Variants in SAMD4A observed in about 807,000 individuals in gnomAD.
SAMD4A encodes the protein protein Smaug homolog 1.
In SAMD4A, 33 loss-of-function variants were observed where a neutral mutation model predicts 81.3. The ratio of observed to expected loss-of-function variants is 0.41; its 90% CI spans 0.31 to 0.54. SAMD4A has a LOEUF of 0.54. Among genes scored for constraint, SAMD4A ranks in the 20% least tolerant of loss-of-function variants. The probability of loss-of-function intolerance (pLI) is 0.37; values close to 1 mark genes in which losing one functional copy is unlikely to be tolerated. For missense variants in SAMD4A, 854 were observed against 951.1 expected (o/e 0.90, Z 1.34); for synonymous variants, 389 against 382.1 (o/e 1.02, Z -0.21).
intron 2 of SAMD4A, among the ~76,000 whole-genome samples, chr14:54,669,483 C>T (rs369786599): frequency 3.3e-5 from 4 of 121,390 alleles, no homozygotes; most frequent in Non-Finnish European, 4.8e-5. Flanking sequence ...GAGACAGGAT[C>T]GCACTCTGTT....
chr14:54,688,028 A>G (rs2036322408), intron 2 of SAMD4A: 1 of 985,640 alleles, frequency 1.0e-6, no homozygotes, highest in Admixed American at 6.1e-5. Flanking sequence ...AAGGAGAAGG[A>G]CAAAGTGGAG....
At chr14:54,747,463 C>T (rs2140963705) in intron 4 of SAMD4A, among the ~76,000 whole-genome samples, 1 of 152,336 alleles carries the variant, frequency 6.6e-6, no homozygotes, top group Non-Finnish European at 1.5e-5. Context: ...TTTCATCAAT[C>T]TCAACATTTA....
At chr14:54,707,630 G>A (rs1384050223) in intron 3 of SAMD4A, among the ~76,000 whole-genome samples, 1 of 152,098 alleles carries the variant, frequency 6.6e-6, no homozygotes, top group Non-Finnish European at 1.5e-5. Flanking sequence ...AACAAGGGTA[G>A]GATCAGGCCT....
rs577986242 is a variant in SAMD4A, at chr14:54,789,004, C to T, written c.*60C>T. 1.3e-4 allele frequency: 200 copies of T among 1,575,014 alleles called. No homozygotes were observed. The highest frequency in any genetic ancestry group is 1.3e-4 in the East Asian group (6 of 44,676). On this transcript the variant is annotated 3_prime_UTR_variant, in exon 13 of 13. Coordinates refer to ENST00000554335, the MANE Select transcript of SAMD4A (RefSeq NM_015589.6). ...AATCGACTGCTGCGGGTCCAGTGTC[C>T]GCCATCTTCAGGGTTGCACAGAATC... is the stretch of plus-strand genomic sequence containing the variant.
chr14:54,581,720 T>G (rs905522347), intron 2 of SAMD4A, among the ~76,000 whole-genome samples: 1 of 152,200 alleles, frequency 6.6e-6, no homozygotes, highest in Non-Finnish European at 1.5e-5. Flanking sequence ...TCTATACCTA[T>G]TTTGATAGTA....
chr14:54,783,857 C>A (rs1381501617), intron 11 of SAMD4A, among the ~76,000 whole-genome samples: 1 of 152,194 alleles, frequency 6.6e-6, no homozygotes, highest in East Asian at 1.9e-4. Flanking sequence ...GCATGCCAGG[C>A]CCTGCTCTAG....
intron 2 of SAMD4A, chr14:54,685,650 G>A (rs1012397507): frequency 6.6e-6 from 3 of 454,232 alleles, no homozygotes; most frequent in East Asian, 1.4e-4. Flanking sequence ...TTGCAGAGAA[G>A]CTGATTGTGG....
In SAMD4A at chr14:54,723,601, C is replaced by T. The variant is rs538553280; in HGVS notation, c.716-13423C>T. Among the ~76,000 whole-genome samples, 273 of 152,284 alleles carry T rather than the reference C, an allele frequency of 1.8e-3. 1 individual carries two copies. Among genetic ancestry groups the T allele is most frequent in the African/African-American group, 6.4e-3 (264 of 41,558 alleles). On this transcript the variant is annotated intron_variant, in intron 3 of 12. Transcript: ENST00000554335. ...TGAAATGACCTAAAATTTTTACATC[C>T]TTCAGCAATTCTTCACCTTCATGGA...
intron 2 of SAMD4A, among the ~76,000 whole-genome samples, chr14:54,681,623 T>C (rs146150910): frequency 6.6e-6 from 1 of 152,128 alleles, no homozygotes; most frequent in East Asian, 1.9e-4. Flanking sequence ...ATAGAGATGG[T>C]ATCTCCCTAT....
chr14:54,697,357 T>C (rs977831697), intron 2 of SAMD4A, among the ~76,000 whole-genome samples: 2 of 152,222 alleles, frequency 1.3e-5, no homozygotes, highest in Non-Finnish European at 2.9e-5. Context: ...ACATTGTCCT[T>C]GTCGGCAGGC....
intron 6 of SAMD4A, among the ~76,000 whole-genome samples, chr14:54,755,889 T>C (rs1418998802): frequency 1.3e-5 from 2 of 152,202 alleles, no homozygotes; most frequent in African/African-American, 4.8e-5. Context: ...AACTAAGCCA[T>C]GTTCTGAGCC....
chr14:54,661,589 C>T (rs533392034), intron 2 of SAMD4A, among the ~76,000 whole-genome samples: 13 of 152,306 alleles, frequency 8.5e-5, no homozygotes, highest in African/African-American at 2.6e-4. Context: ...CAATCCTTAT[C>T]GAACCTTCTA....
chr14:54,582,634 T>G (rs973170258), intron 2 of SAMD4A, among the ~76,000 whole-genome samples: 1 of 152,194 alleles, frequency 6.6e-6, no homozygotes, highest in Non-Finnish European at 1.5e-5. Flanking sequence ...GATTGGATCC[T>G]GGATTGGGAA....
intron 2 of SAMD4A, among the ~76,000 whole-genome samples, chr14:54,594,255 A>G (rs1384324999): frequency 6.6e-6 from 1 of 152,150 alleles, no homozygotes; most frequent in East Asian, 1.9e-4. Flanking sequence ...CATAAGGTAC[A>G]GAACGAAAAT....
At position 54,648,079 on chromosome 14, in the gene SAMD4A, A is replaced by T. The variant is rs1304991286; in HGVS notation, c.197-53983A>T. Among the ~76,000 whole-genome samples, 5 of 152,258 alleles carry T rather than the reference A, an allele frequency of 3.3e-5. No individual in the cohort carries two copies. The South Asian group carries it at 6.2e-4, about 19-fold the overall frequency. On this transcript the variant is annotated intron_variant, in intron 2 of 12. Coordinates refer to ENST00000554335, the MANE Select transcript of SAMD4A (RefSeq NM_015589.6). Reference sequence around the variant, plus strand: ...ATTTTTAATTAATTGCAATAGCCACATGTGGACAGTGGAAGACAATAGGAG... The same window carrying T: ...ATTTTTAATTAATTGCAATAGCCACTTGTGGACAGTGGAAGACAATAGGAG...
At chr14:54,645,926 G>A (rs962051596) in intron 2 of SAMD4A, among the ~76,000 whole-genome samples, 4 of 152,106 alleles carry the variant, frequency 2.6e-5, no homozygotes, top group South Asian at 2.1e-4. Context: ...CTTTTGCTTC[G>A]CAAAATTATT....
chr14:54,574,404 T>C (rs573239862), intron 2 of SAMD4A, among the ~76,000 whole-genome samples: 4 of 152,212 alleles, frequency 2.6e-5, no homozygotes, highest in African/African-American at 9.6e-5. Flanking sequence ...ATTCTTGCTG[T>C]TGTAGTACCT....
intron 2 of SAMD4A, chr14:54,694,848 T>A: frequency 2.0e-6 from 2 of 985,566 alleles, no homozygotes; most frequent in Non-Finnish European, 2.4e-6. Flanking sequence ...AGCACCCAGC[T>A]GTGCCGGTAC....
chr14:54,695,510 T>C (rs74601635), intron 2 of SAMD4A, among the ~76,000 whole-genome samples: 11,494 of 152,300 alleles, frequency 0.075, 932 homozygotes, highest in African/African-American at 0.21. Flanking sequence ...ATGCTTTTTA[T>C]GACCTAAGGT....
Sources: allele counts gnomAD v4.1 joint callset (sites outside exome capture counted in the v4.1 genomes callset), GRCh38; gene constraint gnomAD v4.1.1; transcripts MANE v1.5; gene names NCBI Gene and HGNC (gene_info 2026-07-23, HGNC 2026-07-21).